Variants in PASD1 observed in about 807,000 individuals in gnomAD.
PASD1 encodes PAS domain containing repressor 1, also known as circadian clock protein PASD1.
Under a neutral mutation model 58.8 loss-of-function variants are expected in PASD1, and 13 were observed. That is an observed-to-expected ratio of 0.22 (90% confidence interval 0.14 to 0.35). The LOEUF (loss-of-function observed/expected upper bound fraction) is 0.35. Ranked by LOEUF, PASD1 falls within the 10% of genes least tolerant of loss-of-function variation. PASD1 has a pLI of 1.00. For missense variants in PASD1, 734 were observed against 568.3 expected (o/e 1.29, Z -2.96); for synonymous variants, 236 against 216.7 (o/e 1.09, Z -0.78).
At chrX:151,599,666 G>A (rs1232248757) in intron 1 of PASD1, among the ~76,000 whole-genome samples, 20 of 108,096 alleles carry the variant, frequency 1.9e-4, no homozygotes, top group Non-Finnish European at 3.3e-4. Context: ...CATCTCAGAC[G>A]GGGCAGACGG....
chrX:151,669,917 G>C lies in PASD1; in HGVS notation c.1072-1121G>C, dbSNP rs1324771176. Among the ~76,000 whole-genome samples, 7 of 111,777 alleles carry C rather than the reference G, an allele frequency of 6.3e-5. No homozygotes were observed. In the East Asian group the frequency reaches 1.7e-3, roughly 27 times the overall value. ...TCTTCTGGTGTATACTCAGCAGTGG[G>C]ATTTGCTGGATCATACGGTAGTTGT... On this transcript the variant is annotated intron_variant, in intron 11 of 15. Coordinates refer to ENST00000370357, the MANE Select transcript of PASD1 (RefSeq NM_173493.3).
intron 10 of PASD1, among the ~76,000 whole-genome samples, chrX:151,661,393 C>T (rs1170509000): frequency 1.8e-5 from 2 of 111,769 alleles, no homozygotes; most frequent in African/African-American, 3.3e-5. Context: ...TAGGAAGTGA[C>T]GGAGTGGTTC....
At chrX:151,588,093 C>G (rs1013610095) in intron 1 of PASD1, among the ~76,000 whole-genome samples, 1 of 111,929 alleles carries the variant, frequency 8.9e-6, no homozygotes, top group Non-Finnish European at 1.9e-5. Context: ...ACTTCACTCA[C>G]ATTGATGAAA....
rs761360129 is a variant in PASD1, at chrX:151,647,728, G to C, written c.630-887G>C. On this transcript the variant is annotated intron_variant, in intron 8 of 15. Transcript: ENST00000370357. The stretch of plus-strand genomic sequence containing the variant: ...TAATTTTTTAGTGTTAGAAATAAAT[G>C]ATATAAATAAAATGGATTTTTGTCA... 8.8e-4 allele frequency among the ~76,000 whole-genome samples: 97 copies of C among 110,315 alleles called. No homozygotes were observed. In the Middle Eastern group the frequency reaches 0.015, roughly 17 times the overall value.
At chrX:151,571,259 C>A (rs2012923493) in intron 1 of PASD1, among the ~76,000 whole-genome samples, 1 of 112,011 alleles carries the variant, frequency 8.9e-6, no homozygotes, top group Admixed American at 9.5e-5. Context: ...AATTGTTGTC[C>A]TTTGGCATTA....
chrX:151,647,492 A>C (rs1457497291), intron 8 of PASD1, among the ~76,000 whole-genome samples: 4 of 109,395 alleles, frequency 3.7e-5, no homozygotes, highest in Non-Finnish European at 7.6e-5. Context: ...TTATATTTTA[A>C]TTAAATTAAT....
intron 1 of PASD1, among the ~76,000 whole-genome samples, chrX:151,578,605 T>C (rs1052873632): frequency 7.1e-5 from 8 of 112,578 alleles, no homozygotes; most frequent in African/African-American, 2.3e-4. Context: ...GCTTAAGAAC[T>C]TTCTCTGCTG....
chrX:151,593,713 A>G (rs2013281048), intron 1 of PASD1, among the ~76,000 whole-genome samples: 1 of 111,207 alleles, frequency 9.0e-6, no homozygotes, highest in Non-Finnish European at 1.9e-5. Context: ...ATATGTGTGC[A>G]TGTGTCTTTA....
intron 3 of PASD1, among the ~76,000 whole-genome samples, 167 bp downstream of exon 3, chrX:151,604,901 G>A (rs1434225754): frequency 2.7e-5 from 3 of 111,772 alleles, no homozygotes; most frequent in Admixed American, 9.5e-5. Flanking sequence ...TGTTAGGGCC[G>A]GGAGTTTGCA....
intron 4 of PASD1, among the ~76,000 whole-genome samples, chrX:151,616,246 G>A (rs1486979903): frequency 1.8e-5 from 2 of 111,262 alleles, no homozygotes; most frequent in African/African-American, 6.5e-5. Flanking sequence ...GGCAGGCATG[G>A]AAGTACAGAG....
intron 7 of PASD1, 38 bp from the exon 8 acceptor site, chrX:151,625,410 T>G: frequency 9.6e-7 from 1 of 1,045,770 alleles, no homozygotes. Context: ...ACTATTTATA[T>G]ACATATTAAA....
intron 9 of PASD1, among the ~76,000 whole-genome samples, 188 bp from the exon 10 acceptor site, chrX:151,659,525 C>A (rs758890362): frequency 8.9e-6 from 1 of 112,019 alleles, no homozygotes; most frequent in Non-Finnish European, 1.9e-5. Context: ...CTATAATCTC[C>A]GCTTGTTATC....
chrX:151,675,678 A>G (rs1171498933), intron 15 of PASD1, among the ~76,000 whole-genome samples: 1 of 112,131 alleles, frequency 8.9e-6, no homozygotes, highest in Non-Finnish European at 1.9e-5. Flanking sequence ...ACCCAAGGCT[A>G]GTGGCCTTGG....
Position 151,620,018 on chromosome X carries a change from T to C in PASD1, c.208-912T>C, listed in dbSNP as rs780242248. Reference sequence around the variant, plus strand: ...TTATAATTGAAGGGAGAGGCGGTAATGTAAAGGAAGGTTATGCGTTTTTAG... The same window carrying C: ...TTATAATTGAAGGGAGAGGCGGTAACGTAAAGGAAGGTTATGCGTTTTTAG... On this transcript the variant is annotated intron_variant, in intron 4 of 15. Transcript: ENST00000370357. 4.6e-4 allele frequency among the ~76,000 whole-genome samples: 52 copies of C among 111,937 alleles called. No homozygotes were observed. The South Asian group carries it at 0.019, about 42-fold the overall frequency.
At chrX:151,637,673 G>C (rs1456789129) in intron 8 of PASD1, among the ~76,000 whole-genome samples, 1 of 111,486 alleles carries the variant, frequency 9.0e-6, no homozygotes, top group Non-Finnish European at 1.9e-5. Context: ...AGCTTGTATG[G>C]GAGTTATTAT....
In PASD1 at chrX:151,672,592, C is replaced by T. The variant is rs1185653939; in HGVS notation, c.1847C>T (p.Ala616Val). Residue 616 changes from alanine (A) to valine (V), a missense_variant, in exon 14 of 16, where the codon GCA becomes GTA. Coordinates refer to ENST00000370357, the MANE Select transcript of PASD1 (RefSeq NM_173493.3). ...CAACCCATTGTTCCTGTCCAGAGAG[C>T]AGCTGAACAACAGCCCTCTGGCTTC... is the stretch of plus-strand genomic sequence containing the variant. ...QAQPIVPVQR[A>V]AEQQPSGFYQ... 1 of 1,210,545 alleles carries T rather than the reference C, an allele frequency of 8.3e-7. No homozygotes were observed. The highest frequency in any genetic ancestry group is 1.1e-6 in the Non-Finnish European group (1 of 895,398).
chrX:151,607,933 C>G (rs373153983), intron 3 of PASD1, among the ~76,000 whole-genome samples: 3 of 111,374 alleles, frequency 2.7e-5, no homozygotes, highest in Non-Finnish European at 5.7e-5. Context: ...CTTGAGGAGG[C>G]GCATAAACTG....
chrX:151,638,070 C>T (rs1440664109), intron 8 of PASD1, among the ~76,000 whole-genome samples: 4 of 111,658 alleles, frequency 3.6e-5, no homozygotes, highest in Non-Finnish European at 7.5e-5. Context: ...AGTCTGGGTT[C>T]AAATTCTGGG....
intron 3 of PASD1, among the ~76,000 whole-genome samples, chrX:151,608,310 T>A (rs2013512152): frequency 8.9e-6 from 1 of 112,105 alleles, no homozygotes; most frequent in Non-Finnish European, 1.9e-5. Context: ...TTTCACCAAT[T>A]TTGAGGCCAC....
Sources: allele counts gnomAD v4.1 joint callset (sites outside exome capture counted in the v4.1 genomes callset), GRCh38; gene constraint gnomAD v4.1.1; transcripts MANE v1.5; gene names NCBI Gene and HGNC (gene_info 2026-07-23, HGNC 2026-07-21).